C10orf90: variants seen among roughly 807,000 people sequenced by gnomAD.
C10orf90 encodes (E2-independent) E3 ubiquitin-conjugating enzyme FATS.
C10orf90 carries 56 observed loss-of-function variants against 62.5 expected under a neutral mutation model. That is an observed-to-expected ratio of 0.90 (90% confidence interval 0.72 to 1.12). The LOEUF is 1.12. Among genes scored for constraint, C10orf90 ranks in the 50% most tolerant of loss-of-function variants. The probability of loss-of-function intolerance (pLI) is 0.00; values close to 1 mark genes in which losing one functional copy is unlikely to be tolerated. For synonymous variants in C10orf90, 386 were observed against 340.4 expected (o/e 1.13, Z -1.47); for missense variants, 970 against 880.4 (o/e 1.10, Z -1.29).
intron 2 of C10orf90, among the ~76,000 whole-genome samples, chr10:126,557,491 A>AAAT (rs1156447615): frequency 2.7e-5 from 4 of 150,886 alleles, no homozygotes; most frequent in Non-Finnish European, 5.9e-5. Flanking sequence ...AAAAAAAAAA[A>AAAT]AAAAGTTACC....
chr10:126,556,752 A>G (rs1035575822), intron 2 of C10orf90, among the ~76,000 whole-genome samples: 4 of 152,028 alleles, frequency 2.6e-5, no homozygotes, highest in African/African-American at 7.2e-5. Flanking sequence ...CAGACACCCT[A>G]TTTCTCTGAT....
At chr10:126,546,251 C>A (rs1227680257) in intron 2 of C10orf90, among the ~76,000 whole-genome samples, 1 of 152,230 alleles carries the variant, frequency 6.6e-6, no homozygotes, top group Non-Finnish European at 1.5e-5. Context: ...CACATGCCAG[C>A]AAAGGCCAGC....
chr10:126,618,204 G>A (rs550176911), intron 2 of C10orf90, among the ~76,000 whole-genome samples: 3 of 152,302 alleles, frequency 2.0e-5, no homozygotes, highest in Admixed American at 6.5e-5. Flanking sequence ...ACCTAAGAAA[G>A]AGAGACACTA....
At chr10:126,586,117 T>G (rs1844865380) in intron 2 of C10orf90, among the ~76,000 whole-genome samples, 1 of 152,248 alleles carries the variant, frequency 6.6e-6, no homozygotes, top group Admixed American at 6.5e-5. Flanking sequence ...TTCCATGCTT[T>G]TGGCTTTAGT....
At chr10:126,427,245 G>A (rs921687465) in intron 8 of C10orf90, among the ~76,000 whole-genome samples, 6 of 152,200 alleles carry the variant, frequency 3.9e-5, no homozygotes, top group Non-Finnish European at 8.8e-5. Flanking sequence ...AGTGATTCTA[G>A]GAAGGACTAG....
Position 126,562,166 on chromosome 10 carries a change from C to T in C10orf90, c.314-48227G>A, listed in dbSNP as rs949156215. Reference sequence around the variant, plus strand: ...TATCCAGAACCTCTATGAGCATGGCCCAGAGGGTCCCTAATGGAGGGAGAA... The same window carrying T: ...TATCCAGAACCTCTATGAGCATGGCTCAGAGGGTCCCTAATGGAGGGAGAA... On this transcript the variant is annotated intron_variant, in intron 2 of 9. Coordinates refer to ENST00000488181, the MANE Select transcript of C10orf90 (RefSeq NM_001350921.2). 5.9e-5 allele frequency among the ~76,000 whole-genome samples: 9 copies of T among 152,290 alleles called. No homozygotes were observed. In the East Asian group the frequency reaches 1.6e-3, roughly 26 times the overall value.
chr10:126,481,109 C>T (rs1423709169), intron 4 of C10orf90, among the ~76,000 whole-genome samples: 2 of 152,208 alleles, frequency 1.3e-5, no homozygotes, highest in Non-Finnish European at 2.9e-5. Flanking sequence ...CCTTTGTCCT[C>T]TCCAGTGTCA....
intron 2 of C10orf90, among the ~76,000 whole-genome samples, chr10:126,585,335 GAGGGAGAC>G (rs997014478): frequency 1.3e-4 from 9 of 71,202 alleles, no homozygotes; most frequent in Non-Finnish European, 2.3e-4. Flanking sequence ...GAGAGGGAGA[GAGGGAGAC>G]AGGCAGGGAG....
chr10:126,507,105 C>G (rs1862785088), intron 3 of C10orf90, among the ~76,000 whole-genome samples: 1 of 152,040 alleles, frequency 6.6e-6, no homozygotes. Context: ...CGCCTGTAAT[C>G]CCAGCACTTT....
chr10:126,608,060 T>C (rs1845351983), intron 2 of C10orf90, among the ~76,000 whole-genome samples: 4 of 152,142 alleles, frequency 2.6e-5, no homozygotes, highest in Admixed American at 1.3e-4. Flanking sequence ...GTTCTGAGGA[T>C]AGATGGTGGT....
intron 2 of C10orf90, among the ~76,000 whole-genome samples, chr10:126,583,065 C>A (rs149821788): frequency 1.3e-5 from 2 of 152,064 alleles, no homozygotes; most frequent in African/African-American, 4.8e-5. Context: ...CCTCTACTCG[C>A]GGGACACCAG....
At chr10:126,550,375 G>A (rs925379793) in intron 2 of C10orf90, among the ~76,000 whole-genome samples, 1 of 152,178 alleles carries the variant, frequency 6.6e-6, no homozygotes, top group African/African-American at 2.4e-5. Context: ...AGATCAACAG[G>A]AGGGAACCTT....
At chr10:126,498,797 G>A (rs886817350) in intron 4 of C10orf90, among the ~76,000 whole-genome samples, 3 of 152,148 alleles carry the variant, frequency 2.0e-5, no homozygotes, top group Non-Finnish European at 4.4e-5. Flanking sequence ...AACCTTGAAG[G>A]GCCATCCCAG....
At chr10:126,455,294 T>C (rs1370125147) in intron 7 of C10orf90, among the ~76,000 whole-genome samples, 2 of 152,200 alleles carry the variant, frequency 1.3e-5, no homozygotes, top group Non-Finnish European at 2.9e-5. Flanking sequence ...CCAGCCTCCT[T>C]TCTTCACTGC....
intron 2 of C10orf90, chr10:126,520,423 T>A (rs1291355242): frequency 3.3e-5 from 5 of 152,166 alleles, no homozygotes; most frequent in Non-Finnish European, 4.4e-5. Context: ...GGAGCCCAGG[T>A]TAGAAATCCT....
At chr10:126,459,003 G>C in intron 7 of C10orf90, 37 bp downstream of exon 7, 1 of 1,590,558 alleles carries the variant, frequency 6.3e-7, no homozygotes, top group Non-Finnish European at 8.6e-7. Flanking sequence ...CCCCATCCCT[G>C]GTCTTTTCCA....
chr10:126,466,070 A>G (rs1860267616), intron 4 of C10orf90, among the ~76,000 whole-genome samples: 1 of 151,984 alleles, frequency 6.6e-6, no homozygotes, highest in East Asian at 1.9e-4. Context: ...GGAATGCCCT[A>G]TACGTTTTTT....
intron 2 of C10orf90, 63 bp from the exon 3 acceptor site, chr10:126,514,002 A>G (rs1251522622): frequency 8.5e-7 from 1 of 1,173,716 alleles, no homozygotes. Context: ...GGAATATATA[A>G]CTCTACTGTA....
At chr10:126,465,543 A>C (rs189799929) in intron 4 of C10orf90, among the ~76,000 whole-genome samples, 3 of 152,312 alleles carry the variant, frequency 2.0e-5, no homozygotes, top group Admixed American at 2.0e-4. Flanking sequence ...CCTGATGCAC[A>C]GTCAGCTTGA....
Sources: gnomAD v4.1 joint callset for allele counts (sites outside exome capture counted in the v4.1 genomes callset) on GRCh38, gnomAD v4.1.1 for gene constraint, MANE v1.5 for transcripts, NCBI Gene and HGNC (gene_info 2026-07-23, HGNC 2026-07-21) for gene names.